FMN1: variants seen among roughly 807,000 people sequenced by gnomAD.
FMN1 encodes formin-1.
Under a neutral mutation model 132.4 loss-of-function variants are expected in FMN1, and 110 were observed. That is an observed-to-expected ratio of 0.83 (90% CI 0.71 to 0.97). The LOEUF (loss-of-function observed/expected upper bound fraction) is 0.97. Among genes scored for constraint, FMN1 ranks in the 50% least tolerant of loss-of-function variants. The pLI, the probability that FMN1 is intolerant of heterozygous loss-of-function variation, is 0.00. For missense variants in FMN1, 1,792 were observed against 1,705.3 expected (o/e 1.05, Z -0.90); for synonymous variants, 722 against 651.7 (o/e 1.11, Z -1.64).
At chr15:32,857,199 A>G in intron 16 of FMN1, 92 bp from the exon 17 acceptor site, 2 of 944,396 alleles carry the variant, frequency 2.1e-6, no homozygotes, top group Non-Finnish European at 3.4e-6. Context: ...TTGGCTATCA[A>G]TTGTGCACAC....
intron 7 of FMN1, among the ~76,000 whole-genome samples, chr15:32,999,227 C>T (rs901984225): frequency 2.0e-5 from 3 of 152,214 alleles, no homozygotes; most frequent in East Asian, 1.9e-4. Flanking sequence ...CTTTCCCTCA[C>T]AGTATTATCT....
At chr15:32,963,259 C>T (rs555480038) in intron 9 of FMN1, among the ~76,000 whole-genome samples, 8 of 149,582 alleles carry the variant, frequency 5.3e-5, no homozygotes, top group South Asian at 2.1e-4. Flanking sequence ...AACCAAACAC[C>T]GCATATTCTC....
intron 4 of FMN1, among the ~76,000 whole-genome samples, chr15:33,107,299 T>G (rs78866054): frequency 0.04 from 6,146 of 152,118 alleles, 146 homozygotes; most frequent in South Asian, 0.098. Context: ...CTCCCAGCTC[T>G]TCTTCCTTCT....
intron 9 of FMN1, among the ~76,000 whole-genome samples, chr15:32,931,366 T>A (rs2061112265): frequency 6.6e-6 from 1 of 152,246 alleles, no homozygotes; most frequent in Admixed American, 6.5e-5. Flanking sequence ...TAAATTTTTT[T>A]AAGCAATGTT....
intron 3 of FMN1, among the ~76,000 whole-genome samples, chr15:33,177,803 G>A (rs1019456311): frequency 1.1e-4 from 17 of 152,250 alleles, no homozygotes; most frequent in East Asian, 3.9e-4. Context: ...TCAGGAGTTC[G>A]AGACCAGCCA....
chr15:33,047,741 A>G (rs940447165), intron 6 of FMN1, among the ~76,000 whole-genome samples: 2 of 152,200 alleles, frequency 1.3e-5, no homozygotes, highest in Non-Finnish European at 2.9e-5. Flanking sequence ...GTTCTGGTAT[A>G]AAGATGGGAC....
chr15:33,088,666 C>A, intron 5 of FMN1, 133 bp downstream of exon 5: 2 of 777,328 alleles, frequency 2.6e-6, no homozygotes, highest in South Asian at 2.4e-5. Flanking sequence ...TTTCTGCAGC[C>A]CACTGATTTT....
At chr15:33,125,629 C>G (rs1249923128) in intron 4 of FMN1, among the ~76,000 whole-genome samples, 3 of 151,404 alleles carry the variant, frequency 2.0e-5, no homozygotes, top group Admixed American at 1.3e-4. Context: ...CACTTGAGGT[C>G]AGGAATTCAA....
At chr15:32,895,998 T>A (rs913311482) in intron 15 of FMN1, among the ~76,000 whole-genome samples, 1 of 152,142 alleles carries the variant, frequency 6.6e-6, no homozygotes, top group Non-Finnish European at 1.5e-5. Context: ...ACTTTTGTCA[T>A]GTCTTATTGA....
intron 9 of FMN1, among the ~76,000 whole-genome samples, chr15:32,945,548 T>C (rs895037378): frequency 1.3e-5 from 2 of 152,204 alleles, no homozygotes; most frequent in African/African-American, 2.4e-5. Flanking sequence ...CTTTCCAACA[T>C]GTTAGAGTGT....
intron 9 of FMN1, among the ~76,000 whole-genome samples, chr15:32,930,615 C>T (rs543141501): frequency 1.3e-5 from 2 of 151,948 alleles, no homozygotes; most frequent in South Asian, 4.2e-4. Context: ...TATTTTTTCC[C>T]ATTCTGTAAG....
intron 6 of FMN1, among the ~76,000 whole-genome samples, chr15:33,019,758 G>A (rs886999140): frequency 3.9e-5 from 6 of 152,238 alleles, no homozygotes; most frequent in African/African-American, 1.4e-4. Context: ...AGGGCCGGCA[G>A]GCCACTCGGA....
At chr15:33,083,296 A>G (rs1182010444) in intron 5 of FMN1, among the ~76,000 whole-genome samples, 1 of 152,206 alleles carries the variant, frequency 6.6e-6, no homozygotes, top group Non-Finnish European at 1.5e-5. Context: ...CAGCTTCTGA[A>G]ACAGCTCAGA....
chr15:32,859,553 A>C (rs1389969481), intron 16 of FMN1, among the ~76,000 whole-genome samples: 1 of 152,210 alleles, frequency 6.6e-6, no homozygotes, highest in Non-Finnish European at 1.5e-5. Context: ...CATTGCCACA[A>C]AGCATTTTTC....
chr15:32,776,504 G>A (rs200623919), intron 20 of FMN1, among the ~76,000 whole-genome samples: 11 of 152,180 alleles, frequency 7.2e-5, no homozygotes, highest in Non-Finnish European at 1.3e-4. Flanking sequence ...AGGAACTGAA[G>A]AGAATGAATA....
intron 10 of FMN1, among the ~76,000 whole-genome samples, chr15:32,911,249 A>T (rs1227969827): frequency 6.6e-6 from 1 of 152,228 alleles, no homozygotes; most frequent in African/African-American, 2.4e-5. Context: ...ATTGAGACTT[A>T]AAATCCTTAA....
At chr15:33,091,548 T>G (rs1381862675) in intron 4 of FMN1, among the ~76,000 whole-genome samples, 1 of 152,180 alleles carries the variant, frequency 6.6e-6, no homozygotes, top group Non-Finnish European at 1.5e-5. Flanking sequence ...CAAGAATCAT[T>G]TGGACAGAAA....
chr15:32,994,787 T>C (rs1188339381), intron 7 of FMN1, among the ~76,000 whole-genome samples: 1 of 152,174 alleles, frequency 6.6e-6, no homozygotes, highest in Non-Finnish European at 1.5e-5. Context: ...TCCTTTGTCA[T>C]TTGTTATATA....
At chr15:32,779,293 A>T (rs570309815) in intron 19 of FMN1, among the ~76,000 whole-genome samples, 1 of 152,334 alleles carries the variant, frequency 6.6e-6, no homozygotes, top group Non-Finnish European at 1.5e-5. Context: ...TGTACACTTT[A>T]AAAGGGTGAA....
Sources: allele counts gnomAD v4.1 joint callset (sites outside exome capture counted in the v4.1 genomes callset), GRCh38; gene constraint gnomAD v4.1.1; transcripts MANE v1.5; gene names NCBI Gene and HGNC (gene_info 2026-07-23, HGNC 2026-07-21).